The following ANO3 variants were observed in gnomAD, a reference collection of about 807,000 sequenced individuals.
ANO3 encodes anoctamin-3.
In ANO3, 99 loss-of-function variants were observed where a neutral mutation model predicts 144.8. The ratio of observed to expected loss-of-function variants is 0.68; its 90% CI spans 0.58 to 0.81. The LOEUF (loss-of-function observed/expected upper bound fraction) is 0.81. Among genes scored for constraint, ANO3 ranks in the 30% least tolerant of loss-of-function variants. ANO3 has a pLI of 0.00. For missense variants in ANO3, 905 were observed against 1,202.2 expected (o/e 0.75, Z 3.66); for synonymous variants, 414 against 392.6 (o/e 1.05, Z -0.64).
intron 1 of ANO3, among the ~76,000 whole-genome samples, chr11:26,221,712 A>C (rs1248030439): frequency 8.1e-6 from 1 of 123,312 alleles, no homozygotes; most frequent in Non-Finnish European, 1.6e-5. Context: ...TCATGTCAGA[A>C]GGTGATGCAA....
At chr11:26,267,805 GA>G (rs1476879180) in intron 1 of ANO3, among the ~76,000 whole-genome samples, 1 of 152,070 alleles carries the variant, frequency 6.6e-6, no homozygotes, top group Non-Finnish European at 1.5e-5. Flanking sequence ...GTCCACTGGA[GA>G]AAAGTCCTGA....
At chr11:26,515,527 A>T (rs1861829331) in intron 5 of ANO3, among the ~76,000 whole-genome samples, 2 of 152,004 alleles carry the variant, frequency 1.3e-5, no homozygotes, top group Admixed American at 1.3e-4. Flanking sequence ...TTGTTTAGAA[A>T]CATTGGTAAT....
At chr11:26,419,923 G>C (rs1363808244) in intron 1 of ANO3, among the ~76,000 whole-genome samples, 1 of 152,034 alleles carries the variant, frequency 6.6e-6, no homozygotes, top group Non-Finnish European at 1.5e-5. Context: ...TTGCAAATTA[G>C]AGAATAGTGC....
chr11:26,425,995 T>C (rs969992803), intron 1 of ANO3, among the ~76,000 whole-genome samples: 20 of 152,152 alleles, frequency 1.3e-4, no homozygotes, highest in African/African-American at 4.8e-4. Context: ...CCGTGTAGTC[T>C]TAGTTTCTCC....
At chr11:26,300,575 A>C (rs1357186953) in intron 1 of ANO3, among the ~76,000 whole-genome samples, 1 of 152,192 alleles carries the variant, frequency 6.6e-6, no homozygotes, top group Admixed American at 6.5e-5. Context: ...AGATGGGGAG[A>C]CTAAGGACCA....
At chr11:26,463,188 AT>A (rs1315955186) in intron 4 of ANO3, 40 bp downstream of exon 4, 2 of 1,094,470 alleles carry the variant, frequency 1.8e-6, no homozygotes, top group Admixed American at 2.2e-5. Flanking sequence ...TTTTTAGAGC[AT>A]CATTTTTAAA....
intron 1 of ANO3, among the ~76,000 whole-genome samples, chr11:26,413,397 A>C (rs922717234): frequency 2.6e-5 from 4 of 151,796 alleles, no homozygotes; most frequent in Non-Finnish European, 5.9e-5. Flanking sequence ...GATGCCATGC[A>C]TTTTTTTGGA....
rs1291536900 is a variant in ANO3 at position 26,335,581 on chromosome 11, G to A, written c.46+3260G>A. On this transcript the variant is annotated intron_variant, in intron 1 of 26. Transcript: ENST00000256737. ...CAAAAAATTCCCATAGAAATTTTTA[G>A]GTTTGTAATTAACTTTATAATCTAA... 3.3e-5 allele frequency among the ~76,000 whole-genome samples: 5 copies of A among 152,188 alleles called. No homozygotes were observed. In the East Asian group the frequency reaches 9.7e-4, roughly 29 times the overall value.
chr11:26,410,624 C>G (rs182868225), intron 1 of ANO3, among the ~76,000 whole-genome samples: 3 of 152,014 alleles, frequency 2.0e-5, no homozygotes, highest in Admixed American at 1.3e-4. Flanking sequence ...TGAGAATTGT[C>G]TGCAAATATT....
chr11:26,462,559 TAAGATA>T (rs1859445703), intron 3 of ANO3, among the ~76,000 whole-genome samples: 1 of 151,842 alleles, frequency 6.6e-6, no homozygotes, highest in South Asian at 2.1e-4. Context: ...TAATGTTTAT[TAAGATA>T]TTTTCTACTA....
chr11:26,301,826 C>T (rs111740421), intron 1 of ANO3, among the ~76,000 whole-genome samples: 189 of 152,310 alleles, frequency 1.2e-3, no homozygotes, highest in African/African-American at 3.2e-3. Flanking sequence ...TCCCTGCCCC[C>T]ATTGATGTCA....
intron 3 of ANO3, among the ~76,000 whole-genome samples, chr11:26,449,487 TCACA>T (rs765372417): frequency 1.0e-3 from 28 of 28,140 alleles, no homozygotes; most frequent in African/African-American, 1.7e-3. Flanking sequence ...TCTCTCTCTC[TCACA>T]CACACACACA....
intron 20 of ANO3, among the ~76,000 whole-genome samples, chr11:26,638,719 T>C (rs1375950142): frequency 6.6e-6 from 1 of 152,220 alleles, no homozygotes; most frequent in Non-Finnish European, 1.5e-5. Flanking sequence ...GTACTATCTT[T>C]GCAAGTTGTC....
At chr11:26,213,493 C>T (rs1170742443) in intron 1 of ANO3, among the ~76,000 whole-genome samples, 3 of 152,158 alleles carry the variant, frequency 2.0e-5, no homozygotes, top group Non-Finnish European at 4.4e-5. Context: ...AACAGACAAA[C>T]AGAGAGCCAA....
chr11:26,430,106 A>C (rs2134008887), intron 1 of ANO3, among the ~76,000 whole-genome samples: 1 of 152,196 alleles, frequency 6.6e-6, no homozygotes, highest in African/African-American at 2.4e-5. Context: ...ATAAAAAATA[A>C]AAAGATTAAC....
intron 1 of ANO3, among the ~76,000 whole-genome samples, chr11:26,313,511 C>A (rs1903453): frequency 1.3e-5 from 2 of 151,844 alleles, no homozygotes; most frequent in Admixed American, 1.3e-4. Flanking sequence ...ATGGTGAAAC[C>A]CTGTCTCTAC....
intron 1 of ANO3, among the ~76,000 whole-genome samples, chr11:26,348,086 C>T (rs894056939): frequency 1.3e-5 from 2 of 152,208 alleles, no homozygotes; most frequent in African/African-American, 4.8e-5. Flanking sequence ...TTTCTTCTAA[C>T]ATATGGCTTA....
intron 1 of ANO3, among the ~76,000 whole-genome samples, chr11:26,211,536 G>A (rs937804165): frequency 9.9e-5 from 15 of 152,118 alleles, no homozygotes; most frequent in African/African-American, 3.6e-4. Flanking sequence ...AGTTAGAATG[G>A]CAATCATTAA....
intron 1 of ANO3, among the ~76,000 whole-genome samples, chr11:26,385,103 A>G (rs2133954822): frequency 6.6e-6 from 1 of 152,318 alleles, no homozygotes; most frequent in South Asian, 2.1e-4. Context: ...ATAACATTTG[A>G]TACTTGGAAA....
Sources: allele counts gnomAD v4.1 joint callset (sites outside exome capture counted in the v4.1 genomes callset), GRCh38; gene constraint gnomAD v4.1.1; transcripts MANE v1.5; gene names NCBI Gene and HGNC (gene_info 2026-07-23, HGNC 2026-07-21).